The following GALNT18 variants were observed in gnomAD, a reference collection of about 807,000 sequenced individuals.
The protein encoded by GALNT18 is GalNAc-transferase 18.
A neutral mutation model predicts 69.5 loss-of-function variants in GALNT18; 44 were observed. The ratio of observed to expected loss-of-function variants is 0.63; its 90% confidence interval spans 0.50 to 0.81. The LOEUF is 0.81. Among genes scored for constraint, GALNT18 ranks in the 40% least tolerant of loss-of-function variants. The pLI is 0.00. For synonymous variants in GALNT18, 364 were observed against 318.2 expected (o/e 1.14, Z -1.53); for missense variants, 715 against 810.0 (o/e 0.88, Z 1.42).
intron 1 of GALNT18, among the ~76,000 whole-genome samples, chr11:11,526,990 C>T (rs918551282): frequency 9.2e-5 from 14 of 152,110 alleles, no homozygotes; most frequent in African/African-American, 3.1e-4. Flanking sequence ...TGTGGGTACC[C>T]TCTCTTGAAG....
intron 6 of GALNT18, among the ~76,000 whole-genome samples, chr11:11,344,692 G>A (rs1850270786): frequency 6.6e-6 from 1 of 152,194 alleles, no homozygotes; most frequent in Non-Finnish European, 1.5e-5. Context: ...CCTCATTTCC[G>A]CCCTGTGGGT....
In GALNT18 at chr11:11,606,992, T is replaced by C. The variant is rs1365631508; in HGVS notation, c.235+14367A>G. Among the ~76,000 whole-genome samples, 3 of 152,202 alleles carry C rather than the reference T, an allele frequency of 2.0e-5. No individual in the cohort carries two copies. The highest frequency in any genetic ancestry group is 4.4e-5 in the Non-Finnish European group (3 of 68,032). On this transcript the variant is annotated intron_variant, in intron 1 of 10. Transcript: ENST00000227756. The surrounding 1 kb of genome is among the most constrained non-coding windows in gnomAD (Gnocchi z 5.4). ...GACAAGAGCCTTCACCAGTGGGATATGATGTGAGAACTGCAAAAGTAGGAA... is the reference window on the plus strand; with the variant it reads ...GACAAGAGCCTTCACCAGTGGGATACGATGTGAGAACTGCAAAAGTAGGAA...
chr11:11,394,682 A>T (rs967090346), intron 3 of GALNT18, among the ~76,000 whole-genome samples: 2 of 152,226 alleles, frequency 1.3e-5, no homozygotes, highest in Non-Finnish European at 2.9e-5. Flanking sequence ...TCATGGCCTC[A>T]CTAGGTCTCT....
rs1287470472 is a variant in GALNT18, at chr11:11,315,910, A to G, written c.1512+11176T>C. ...GAGAAACTGAACGTGTGACAAACAG[A>G]AGCTGAGGGTGGCTGCCGAGAGTGA... On this transcript the variant is annotated intron_variant, in intron 9 of 10. Coordinates refer to ENST00000227756, the MANE Select transcript of GALNT18 (RefSeq NM_198516.3). The surrounding 1 kb of genome is among the most constrained non-coding windows in gnomAD (Gnocchi z 5.6). 6.6e-6 allele frequency among the ~76,000 whole-genome samples: 1 copy of G among 152,000 alleles called. No homozygotes were observed. The highest frequency in any genetic ancestry group is 1.5e-5 in the Non-Finnish European group (1 of 68,010).
At position 11,497,677 on chromosome 11, in the gene GALNT18, G is replaced by C. The variant is rs1856894672; in HGVS notation, c.236-48741C>G. Reference sequence around the variant, plus strand: ...CTAACATGGTCAGGAGCAGCTAATAGGGTAAGCAAAAAGTTTAAAGCAGGA... The same window carrying C: ...CTAACATGGTCAGGAGCAGCTAATACGGTAAGCAAAAAGTTTAAAGCAGGA... On this transcript the variant is annotated intron_variant, in intron 1 of 10. Coordinates refer to ENST00000227756, the MANE Select transcript of GALNT18 (RefSeq NM_198516.3). The surrounding 1 kb of genome is among the most constrained non-coding windows in gnomAD (Gnocchi z 4.2). Among the ~76,000 whole-genome samples the C allele has an allele frequency of 6.6e-6, 1 of 151,848 alleles. No homozygotes were observed. The highest frequency in any genetic ancestry group is 2.4e-5 in the African/African-American group (1 of 41,404).
At chr11:11,370,736 A>G (rs1850882855) in intron 6 of GALNT18, among the ~76,000 whole-genome samples, 1 of 152,194 alleles carries the variant, frequency 6.6e-6, no homozygotes, top group African/African-American at 2.4e-5. Flanking sequence ...AGGAAGGAAA[A>G]GCCAGAAATC....
At chr11:11,403,947 C>A (rs1365214871) in intron 3 of GALNT18, among the ~76,000 whole-genome samples, 1 of 152,218 alleles carries the variant, frequency 6.6e-6, no homozygotes, top group African/African-American at 2.4e-5. Context: ...AACTGCTCCC[C>A]CTTAGATGGT....
chr11:11,403,798 G>T lies in GALNT18; in HGVS notation c.596-24534C>A, dbSNP rs149836402. Among the ~76,000 whole-genome samples, 704 of 152,322 alleles carry T rather than the reference G, an allele frequency of 4.6e-3. 3 individuals are homozygous for T. Among genetic ancestry groups the T allele is most frequent in the African/African-American group, 0.015 (626 of 41,574 alleles). On this transcript the variant is annotated intron_variant, in intron 3 of 10. Coordinates refer to ENST00000227756, the MANE Select transcript of GALNT18 (RefSeq NM_198516.3). The stretch of plus-strand genomic sequence containing the variant: ...CCAACTCTCCCCCTGGCCAGGTACA[G>T]GAGAGAGTGCTGACGGTCTGTGGGC...
intron 6 of GALNT18, chr11:11,353,352 A>C (rs1589931032): frequency 1.5e-5 from 9 of 601,576 alleles, no homozygotes; most frequent in Non-Finnish European, 2.6e-5. Flanking sequence ...CTCTAATCTG[A>C]GAGTCATTTT....
intron 1 of GALNT18, among the ~76,000 whole-genome samples, chr11:11,560,313 A>G (rs1022185265): frequency 1.6e-5 from 1 of 61,828 alleles, no homozygotes; most frequent in African/African-American, 5.9e-5. Flanking sequence ...AGAACAGGAT[A>G]TGATAGGATG....
chr11:11,482,146 A>T (rs1373300815), intron 1 of GALNT18, among the ~76,000 whole-genome samples: 2 of 152,158 alleles, frequency 1.3e-5, no homozygotes, highest in Non-Finnish European at 2.9e-5. Flanking sequence ...GACTGCATGG[A>T]GCTAGTTCCA....
chr11:11,574,785 G>T (rs761063579), intron 1 of GALNT18, among the ~76,000 whole-genome samples: 28 of 152,130 alleles, frequency 1.8e-4, no homozygotes, highest in Non-Finnish European at 3.8e-4. Flanking sequence ...TCCCAGCAAA[G>T]GAGTCGTATT....
intron 3 of GALNT18, among the ~76,000 whole-genome samples, chr11:11,398,354 A>C (rs1261586549): frequency 6.6e-6 from 1 of 152,226 alleles, no homozygotes; most frequent in African/African-American, 2.4e-5. Flanking sequence ...GAAAGGGCTA[A>C]ATAGTCACCA....
At chr11:11,275,192 C>G (rs536792694) in intron 10 of GALNT18, among the ~76,000 whole-genome samples, 1 of 152,330 alleles carries the variant, frequency 6.6e-6, no homozygotes, top group South Asian at 2.1e-4. Context: ...TTCTCCACAT[C>G]CTCTCTAGCA....
intron 1 of GALNT18, among the ~76,000 whole-genome samples, chr11:11,575,446 A>G (rs1858902855): frequency 6.6e-6 from 1 of 152,210 alleles, no homozygotes; most frequent in African/African-American, 2.4e-5. Flanking sequence ...AGGAGGAGAG[A>G]GCCTACAAAG....
At chr11:11,354,903 A>G (rs960125476) in intron 6 of GALNT18, among the ~76,000 whole-genome samples, 3 of 152,080 alleles carry the variant, frequency 2.0e-5, no homozygotes, top group African/African-American at 7.2e-5. Context: ...CCTGTAATTC[A>G]TCTGTAGCAA....
intron 1 of GALNT18, among the ~76,000 whole-genome samples, chr11:11,452,928 A>T (rs1564956993): frequency 6.6e-6 from 1 of 152,196 alleles, no homozygotes; most frequent in Non-Finnish European, 1.5e-5. Flanking sequence ...TTCGAGGCAG[A>T]GATTGAGCAG....
chr11:11,272,937 A>G (rs997339349), intron 10 of GALNT18, among the ~76,000 whole-genome samples: 1 of 152,222 alleles, frequency 6.6e-6, no homozygotes, highest in Non-Finnish European at 1.5e-5. Flanking sequence ...TTGGTTCTCT[A>G]CACAATGGGG....
intron 1 of GALNT18, among the ~76,000 whole-genome samples, chr11:11,451,888 C>T (rs1485529106): frequency 1.4e-4 from 21 of 152,202 alleles, no homozygotes; most frequent in Admixed American, 1.4e-3. Context: ...ACTCCACATT[C>T]TTTTCTCTAC....
Sources: gnomAD v4.1 joint callset for allele counts (sites outside exome capture counted in the v4.1 genomes callset) on GRCh38, gnomAD v4.1.1 for gene constraint, Gnocchi (gnomAD v3.1) non-coding constraint, MANE v1.5 for transcripts, NCBI Gene and HGNC (gene_info 2026-07-23, HGNC 2026-07-21) for gene names.